The following DPY19L3 variants were observed in gnomAD, a reference collection of about 807,000 sequenced individuals.
The protein encoded by DPY19L3 is protein C-mannosyl-transferase DPY19L3.
A neutral mutation model predicts 92.3 loss-of-function variants in DPY19L3; 51 were observed. The observed-to-expected ratio is 0.55, with a 90% CI of 0.44 to 0.70. The LOEUF is 0.70. DPY19L3 is among the 30% of genes least tolerant of loss of function. The pLI is 0.00. For missense variants in DPY19L3, 706 were observed against 855.9 expected, an observed-to-expected ratio of 0.82 and a Z score of 2.18; for synonymous variants, 309 against 315.2, an observed-to-expected ratio of 0.98 and a Z score of 0.21.
intron 16 of DPY19L3, among the ~76,000 whole-genome samples, chr19:32,476,514 G>A (rs559753683): frequency 8.0e-6 from 1 of 125,526 alleles, no homozygotes; most frequent in East Asian, 2.3e-4. Flanking sequence ...GCTTACAAGT[G>A]ACTCTCAGGT....
intron 3 of DPY19L3, among the ~76,000 whole-genome samples, chr19:32,414,415 C>CAA (rs36063807): frequency 0.048 from 6,623 of 138,270 alleles, 236 homozygotes; most frequent in Non-Finnish European, 0.062. Context: ...ACTCTGTCTC[C>CAA]AAAAAAAAAA....
intron 4 of DPY19L3, among the ~76,000 whole-genome samples, chr19:32,435,109 A>AGATG (rs1227174385): frequency 1.3e-5 from 2 of 152,218 alleles, no homozygotes; most frequent in East Asian, 3.8e-4. Context: ...CTGGCTTTGT[A>AGATG]GATGCCCTTT....
At chr19:32,408,137 A>G in intron 1 of DPY19L3, 80 bp from the exon 2 acceptor site, 1 of 709,662 alleles carries the variant, frequency 1.4e-6, no homozygotes, top group Non-Finnish European at 2.5e-6. Context: ...TGGCATAAGT[A>G]AAGGCATTTC....
Position 32,485,662 on chromosome 19 carries a change from A to G in DPY19L3, c.*3422A>G, listed in dbSNP as rs1357860876. 4 of 152,214 alleles carry G rather than the reference A, an allele frequency of 2.6e-5. No homozygotes were observed. The highest frequency in any genetic ancestry group is 2.1e-4 in the South Asian group (1 of 4,830). 9.4% of individuals were successfully genotyped at this position (152,214 alleles called of 1,614,324 possible). On this transcript the variant is annotated 3_prime_UTR_variant, in exon 19 of 19. Transcript: ENST00000392250. The stretch of plus-strand genomic sequence containing the variant: ...AATCAATTAAGTATTCTCAGATCCT[A>G]TATCTTGGTTAATATGCTCCCAGAT...
chr19:32,464,101 A>T (rs1970128023), intron 14 of DPY19L3, 121 bp downstream of exon 14: 2 of 473,710 alleles, frequency 4.2e-6, no homozygotes, highest in Admixed American at 3.8e-5. Context: ...AGCTGAAAAT[A>T]CATAATTGAT....
chr19:32,447,304 A>T (rs952410792), intron 8 of DPY19L3, among the ~76,000 whole-genome samples: 6 of 152,254 alleles, frequency 3.9e-5, no homozygotes, highest in Non-Finnish European at 8.8e-5. Context: ...GAAAGTCTGA[A>T]ATCGGTCATC....
intron 4 of DPY19L3, among the ~76,000 whole-genome samples, chr19:32,433,282 G>A (rs979990591): frequency 1.3e-5 from 2 of 152,138 alleles, no homozygotes; most frequent in African/African-American, 4.8e-5. Context: ...TCTAATGAAA[G>A]CCCCAACATG....
At chr19:32,432,533 A>T (rs1312757571) in intron 3 of DPY19L3, among the ~76,000 whole-genome samples, 183 bp from the exon 4 acceptor site, 2 of 152,162 alleles carry the variant, frequency 1.3e-5, no homozygotes, top group Non-Finnish European at 2.9e-5. Context: ...ACAGACTCCC[A>T]TGTATCCCTC....
intron 3 of DPY19L3, among the ~76,000 whole-genome samples, chr19:32,427,215 A>G (rs565023316): frequency 6.6e-6 from 1 of 152,132 alleles, no homozygotes; most frequent in Non-Finnish European, 1.5e-5. Context: ...GGCTGGTCTT[A>G]AAGTCCTGGG....
At chr19:32,429,483 T>G (rs1968888069) in intron 3 of DPY19L3, among the ~76,000 whole-genome samples, 1 of 152,238 alleles carries the variant, frequency 6.6e-6, no homozygotes, top group Non-Finnish European at 1.5e-5. Context: ...TGGTGCTAGA[T>G]TACCAATTAA....
intron 8 of DPY19L3, among the ~76,000 whole-genome samples, chr19:32,449,212 A>G (rs1250689172): frequency 6.6e-6 from 1 of 152,246 alleles, no homozygotes; most frequent in Admixed American, 6.5e-5. Flanking sequence ...CATAGGTACA[A>G]ATGTAACACA....
At chr19:32,405,951 G>A (rs1599572293) in intron 1 of DPY19L3, 42 bp downstream of exon 1, 1 of 151,564 alleles carries the variant, frequency 6.6e-6, no homozygotes, top group South Asian at 2.1e-4. Flanking sequence ...AGGGTCTACC[G>A]AGAGGGCGGG....
At position 32,432,896 on chromosome 19, in the gene DPY19L3, G is replaced by T; in HGVS notation, c.328+90G>T. The stretch of plus-strand genomic sequence containing the variant: ...ACTGTGCACTAAAAACCACTTAAAT[G>T]CTCTCTAGAACATGTGTATTTTTCC... On this transcript the variant is annotated intron_variant, in intron 4 of 18. Coordinates refer to ENST00000392250, the MANE Select transcript of DPY19L3 (RefSeq NM_001172774.2). The T allele has an allele frequency of 3.9e-6, 4 of 1,014,208 alleles. 1 individual carries two copies. In the South Asian group the frequency reaches 4.1e-5, roughly 10 times the overall value. 62.8% of individuals were successfully genotyped at this position (1,014,208 alleles called of 1,614,324 possible). A position where few individuals can be genotyped will look rare whatever the true frequency, so the allele number is the denominator to read the frequency against.
At chr19:32,441,494 CTTT>C (rs11326098) in intron 8 of DPY19L3, among the ~76,000 whole-genome samples, 22,015 of 130,344 alleles carry the variant, frequency 0.17, 1,833 homozygotes, top group Middle Eastern at 0.25. Flanking sequence ...ACATGTGTCT[CTTT>C]TTTTTTTTTT....
Position 32,453,176 on chromosome 19 carries a change from G to A in DPY19L3, c.887G>A (p.Ser296Asn), listed in dbSNP as rs1328313919. Reference sequence around the variant, plus strand: ...TGGCTGTATGGAATACAGATAACAAGTTTACTCCTGGTCTGCATTCTTCAG... The same window carrying A: ...TGGCTGTATGGAATACAGATAACAAATTTACTCCTGGTCTGCATTCTTCAG... ...ATWLYGIQIT[S>N]LLLVCILQFF... The change falls in exon 9 of 19, where the codon AGT becomes AAT. Residue 296 changes from serine (S) to asparagine (N), a missense_variant. By Grantham distance (46) the Ser-to-Asn change is conservative. Transcript: ENST00000392250. 6.2e-7 allele frequency: 1 copy of A among 1,614,092 alleles called. No individual in the cohort carries two copies. Among genetic ancestry groups the A allele is most frequent in the Admixed American group, 1.7e-5 (1 of 60,004 alleles).
intron 3 of DPY19L3, among the ~76,000 whole-genome samples, chr19:32,420,586 A>C (rs1476771409): frequency 1.3e-5 from 2 of 151,796 alleles, no homozygotes; most frequent in East Asian, 3.9e-4. Context: ...AGTAGCTGGG[A>C]TTATAGGTGC....
At chr19:32,477,970 T>C (rs1047975568) in intron 17 of DPY19L3, among the ~76,000 whole-genome samples, 2 of 152,014 alleles carry the variant, frequency 1.3e-5, no homozygotes, top group Non-Finnish European at 2.9e-5. Flanking sequence ...AACTCCCCCT[T>C]ATAAAACCAT....
At chr19:32,480,998 C>T (rs1970657172) in intron 18 of DPY19L3, 1 of 392,044 alleles carries the variant, frequency 2.6e-6, no homozygotes, top group Non-Finnish European at 4.5e-6. Context: ...CCCTCCTGCC[C>T]TCTCCTACTG....
At chr19:32,446,054 T>C (rs1485818601) in intron 8 of DPY19L3, among the ~76,000 whole-genome samples, 1 of 152,176 alleles carries the variant, frequency 6.6e-6, no homozygotes, top group Admixed American at 6.5e-5. Context: ...CACTGTCTTA[T>C]GTGGTTCTCT....
Sources: gnomAD v4.1 joint callset for allele counts (sites outside exome capture counted in the v4.1 genomes callset) on GRCh38, gnomAD v4.1.1 for gene constraint, MANE v1.5 for transcripts, NCBI Gene and HGNC (gene_info 2026-07-23, HGNC 2026-07-21) for gene names.